Variants in EML1 observed in about 807,000 individuals in gnomAD.
The protein encoded by EML1 is EMAP like 1.
A neutral mutation model predicts 110.4 loss-of-function variants in EML1; 27 were observed. The observed-to-expected ratio is 0.24, with a 90% CI of 0.18 to 0.34. EML1 has a LOEUF of 0.34. Ranked by LOEUF, EML1 falls within the 10% of genes least tolerant of loss-of-function variation. The probability of loss-of-function intolerance (pLI) is 1.00; values close to 1 mark genes in which losing one functional copy is unlikely to be tolerated. For missense variants in EML1, 741 were observed against 1,030.9 expected, an observed-to-expected ratio of 0.72 and a Z score of 3.85; for synonymous variants, 344 against 385.8, an observed-to-expected ratio of 0.89 and a Z score of 1.27.
chr14:99,846,005 A>G (rs370654398), intron 1 of EML1, among the ~76,000 whole-genome samples: 4 of 149,766 alleles, frequency 2.7e-5, no homozygotes, highest in East Asian at 2.0e-4. Context: ...AGCTGAGATC[A>G]CGCCACTGCA....
chr14:99,926,161 G>A (rs1219906507), intron 17 of EML1, among the ~76,000 whole-genome samples: 1 of 152,160 alleles, frequency 6.6e-6, no homozygotes, highest in Non-Finnish European at 1.5e-5. Context: ...TACAGAGTCT[G>A]GAAATGGTTG....
At chr14:99,786,720 A>C (rs769659748) in intron 1 of EML1, among the ~76,000 whole-genome samples, 1 of 152,234 alleles carries the variant, frequency 6.6e-6, no homozygotes, top group Non-Finnish European at 1.5e-5. Flanking sequence ...AATGCCAAAG[A>C]TGGCATTTGC....
At chr14:99,908,521 T>A (rs1353765139) in intron 10 of EML1, among the ~76,000 whole-genome samples, 1 of 152,202 alleles carries the variant, frequency 6.6e-6, no homozygotes, top group Non-Finnish European at 1.5e-5. Flanking sequence ...AGCCCCACCT[T>A]CTGATATTCT....
intron 3 of EML1, among the ~76,000 whole-genome samples, chr14:99,866,260 C>T (rs955577899): frequency 3.3e-5 from 5 of 151,832 alleles, no homozygotes; most frequent in African/African-American, 1.2e-4. Flanking sequence ...CCACCTTAAC[C>T]ATTTTTAAGT....
At chr14:99,820,366 C>T (rs946501360) in intron 1 of EML1, among the ~76,000 whole-genome samples, 2 of 152,148 alleles carry the variant, frequency 1.3e-5, no homozygotes, top group African/African-American at 2.4e-5. Flanking sequence ...CATTGCTCAG[C>T]GGAGAGGAAG....
intron 1 of EML1, among the ~76,000 whole-genome samples, chr14:99,802,733 C>T (rs891477276): frequency 1.3e-5 from 2 of 151,866 alleles, no homozygotes; most frequent in African/African-American, 2.4e-5. Context: ...AGCAGGCTGT[C>T]GGTGAAGGTC....
chr14:99,867,884 C>T (rs2139893360), intron 3 of EML1, among the ~76,000 whole-genome samples: 1 of 152,216 alleles, frequency 6.6e-6, no homozygotes, highest in African/African-American at 2.4e-5. Flanking sequence ...GAGTGGGTAT[C>T]TTGCCTTCTT....
intron 16 of EML1, 48 bp downstream of exon 16, chr14:99,917,897 A>C: frequency 6.3e-7 from 1 of 1,585,612 alleles, no homozygotes; most frequent in East Asian, 2.2e-5. Flanking sequence ...TATGGAAAAG[A>C]GGCCTGTTGT....
intron 3 of EML1, among the ~76,000 whole-genome samples, chr14:99,871,316 A>C (rs1218327489): frequency 6.6e-6 from 1 of 152,034 alleles, no homozygotes; most frequent in East Asian, 1.9e-4. Context: ...TCAACTGAAA[A>C]CCTTCTAGAA....
chr14:99,819,549 G>A (rs574388807), intron 1 of EML1, among the ~76,000 whole-genome samples: 1 of 152,306 alleles, frequency 6.6e-6, no homozygotes, highest in Admixed American at 6.5e-5. Context: ...ATGGTGGGTG[G>A]CCACGACGGA....
At chr14:99,847,473 C>T (rs2058725119) in intron 1 of EML1, among the ~76,000 whole-genome samples, 1 of 152,098 alleles carries the variant, frequency 6.6e-6, no homozygotes. Context: ...CCTAAGCCTC[C>T]CAAGTAGCTA....
At position 99,898,223 on chromosome 14, in the gene EML1, C is replaced by T. The variant is rs1378221823; in HGVS notation, c.828-10C>T. 6.3e-7 allele frequency: 1 copy of T among 1,579,702 alleles called. No homozygotes were observed. The highest frequency in any genetic ancestry group is 1.8e-5 in the Admixed American group (1 of 56,150). On this transcript the variant is annotated splice_polypyrimidine_tract_variant and intron_variant, in intron 7 of 21. Transcript: ENST00000262233. ...AACATGTAGATGTTTTGTAAATATC[C>T]TTTTCTTAGCCTAGCAGTTCATCCT...
rs1479574668 is a variant in EML1, at chr14:99,917,912, A to G, written c.1820+63A>G. On this transcript the variant is annotated intron_variant, in intron 16 of 21. Coordinates refer to ENST00000262233, the MANE Select transcript of EML1 (RefSeq NM_004434.3). ...TATGGAAAAGAGGCCTGTTGTTTCT[A>G]TTTCCCCAGGAACAGGCCCCCGTTC... is the stretch of plus-strand genomic sequence containing the variant. 1.0e-5 allele frequency: 16 copies of G among 1,546,516 alleles called. No homozygotes were observed. The African/African-American group carries it at 1.5e-4, about 15-fold the overall frequency.
intron 1 of EML1, among the ~76,000 whole-genome samples, chr14:99,805,937 A>G (rs748807761): frequency 6.6e-6 from 1 of 151,950 alleles, no homozygotes; most frequent in Non-Finnish European, 1.5e-5. Flanking sequence ...CATCTTCCCA[A>G]ACTGAAATCT....
chr14:99,797,897 G>A (rs2057804128), intron 1 of EML1, among the ~76,000 whole-genome samples: 1 of 152,174 alleles, frequency 6.6e-6, no homozygotes, highest in Non-Finnish European at 1.5e-5. Flanking sequence ...GGGAGAGGAT[G>A]GTGCTTTGGC....
chr14:99,910,704 G>A (rs775237650), intron 12 of EML1, among the ~76,000 whole-genome samples: 1 of 152,056 alleles, frequency 6.6e-6, no homozygotes, highest in Non-Finnish European at 1.5e-5. Flanking sequence ...TCTAGCATGT[G>A]GCAGACATTT....
intron 1 of EML1, among the ~76,000 whole-genome samples, chr14:99,831,102 A>G (rs2058442734): frequency 6.6e-6 from 1 of 152,212 alleles, no homozygotes; most frequent in Non-Finnish European, 1.5e-5. Context: ...TTTCAAGTGT[A>G]TTTTAAAAAT....
At chr14:99,806,204 C>T (rs1163420310) in intron 1 of EML1, among the ~76,000 whole-genome samples, 1 of 151,880 alleles carries the variant, frequency 6.6e-6, no homozygotes, top group African/African-American at 2.4e-5. Context: ...ATTACCTGCA[C>T]ATTTGAGGCT....
At chr14:99,753,543 A>C (rs1345268847) in intron 1 of EML1, among the ~76,000 whole-genome samples, 1 of 150,174 alleles carries the variant, frequency 6.7e-6, no homozygotes, top group African/African-American at 2.5e-5. Flanking sequence ...GCCCTCCTTC[A>C]CTCCCTCTAC....
Sources: allele counts gnomAD v4.1 joint callset (sites outside exome capture counted in the v4.1 genomes callset), GRCh38; gene constraint gnomAD v4.1.1; transcripts MANE v1.5; gene names NCBI Gene and HGNC (gene_info 2026-07-23, HGNC 2026-07-21).